NHSL2: variants seen among roughly 807,000 people sequenced by gnomAD.
The protein encoded by NHSL2 is NHS-like protein 2.
In NHSL2, 27 loss-of-function variants were observed where a neutral mutation model predicts 53.4. The observed-to-expected ratio is 0.51, with a 90% CI of 0.37 to 0.70. The LOEUF (loss-of-function observed/expected upper bound fraction) is 0.70, where lower values mean the gene tolerates loss of function less well. Ranked by LOEUF, NHSL2 falls within the 30% of genes least tolerant of loss-of-function variation. NHSL2 has a pLI of 0.00. For missense variants in NHSL2, 892 were observed against 980.1 expected (o/e 0.91, Z 1.20); for synonymous variants, 408 against 404.1 (o/e 1.01, Z -0.12).
intron 1 of NHSL2, among the ~76,000 whole-genome samples, chrX:71,963,971 A>ATG (rs1172224968): frequency 0.072 from 453 of 6,276 alleles, 11 homozygotes; most frequent in South Asian, 0.37. Flanking sequence ...ACATATATAT[A>ATG]TACATATATA....
At chrX:71,976,151 G>A (rs1025658413) in intron 1 of NHSL2, among the ~76,000 whole-genome samples, 19 of 111,008 alleles carry the variant, frequency 1.7e-4, no homozygotes, top group Non-Finnish European at 3.0e-4. Flanking sequence ...GCCCCTCCCC[G>A]CCCAGTCTAC....
chrX:72,015,271 G>A (rs1200108751), intron 1 of NHSL2, among the ~76,000 whole-genome samples: 2 of 111,313 alleles, frequency 1.8e-5, no homozygotes, highest in African/African-American at 3.3e-5. Context: ...GTTTTTTGTT[G>A]TGCTTTAGAG....
intron 1 of NHSL2, among the ~76,000 whole-genome samples, chrX:71,994,256 G>A (rs1487564399): frequency 9.2e-6 from 1 of 108,262 alleles, no homozygotes; most frequent in African/African-American, 3.4e-5. Context: ...GAGGAAAGAT[G>A]GGAGGGCAGA....
In NHSL2 at chrX:72,130,438, G is replaced by A. The variant is rs1305331475; in HGVS notation, c.281-1641G>A. 6 of 1,201,824 alleles carry A rather than the reference G, an allele frequency of 5.0e-6. No individual in the cohort carries two copies. In the African/African-American group the frequency reaches 7.2e-5, roughly 14 times the overall value. On this transcript the variant is annotated intron_variant, in intron 1 of 7. Coordinates refer to ENST00000633930, the MANE Select transcript of NHSL2 (RefSeq NM_001013627.3). Reference sequence around the variant, plus strand: ...CTTCTCCTTCATCTCTTGCTGAAAAGCCCTCATGCGCTTCCTCTGGTCCTT... The same window carrying A: ...CTTCTCCTTCATCTCTTGCTGAAAAACCCTCATGCGCTTCCTCTGGTCCTT...
intron 1 of NHSL2, among the ~76,000 whole-genome samples, chrX:72,031,300 G>C (rs1717105552): frequency 9.0e-6 from 1 of 111,306 alleles, no homozygotes; most frequent in Admixed American, 9.5e-5. Flanking sequence ...ACCTGTTTTG[G>C]ATCCTGGTTC....
intron 1 of NHSL2, among the ~76,000 whole-genome samples, chrX:71,965,497 G>C (rs2041897011): frequency 8.9e-6 from 1 of 112,368 alleles, no homozygotes; most frequent in Non-Finnish European, 1.9e-5. Flanking sequence ...ATAACACACT[G>C]TTTTGATTCC....
At chrX:72,076,894 G>A (rs1400447332) in intron 1 of NHSL2, among the ~76,000 whole-genome samples, 2 of 111,621 alleles carry the variant, frequency 1.8e-5, no homozygotes, top group African/African-American at 6.5e-5. Flanking sequence ...AGAGGGGTGT[G>A]GGGGTCCCAG....
intron 1 of NHSL2, among the ~76,000 whole-genome samples, chrX:72,115,435 G>GGGGGGGGGGGGGGGGGGGGGGAGGGA (rs2042129583): frequency 1.1e-5 from 1 of 89,856 alleles, no homozygotes; most frequent in African/African-American, 4.0e-5. Context: ...TGGGGGCGGG[G>GGGGGGGGGGGGGGGGGGGGGGAGGGA]GGGGGGTGCG....
At chrX:71,992,568 A>C (rs1003050659) in intron 1 of NHSL2, among the ~76,000 whole-genome samples, 3 of 112,751 alleles carry the variant, frequency 2.7e-5, no homozygotes, top group Non-Finnish European at 5.6e-5. Context: ...AAAGTCAAAT[A>C]GAATGGATAA....
At chrX:71,997,117 G>A (rs1212299258) in intron 1 of NHSL2, among the ~76,000 whole-genome samples, 1 of 112,449 alleles carries the variant, frequency 8.9e-6, no homozygotes, top group Admixed American at 9.4e-5. Flanking sequence ...GACAGTCAAA[G>A]TTTCCTTTGT....
chrX:72,127,425 A>G (rs993360891), intron 1 of NHSL2: 3 of 111,268 alleles, frequency 2.7e-5, no homozygotes, highest in African/African-American at 9.8e-5. Context: ...CCTGCCCCAG[A>G]GGGTGGAAAC....
intron 1 of NHSL2, among the ~76,000 whole-genome samples, chrX:72,053,305 T>G (rs913849121): frequency 3.6e-5 from 4 of 111,071 alleles, no homozygotes; most frequent in African/African-American, 1.3e-4. Flanking sequence ...CCTGACCAGT[T>G]TGCCTGTCTC....
rs1602328025 is a variant in NHSL2, at chrX:72,044,533, C to G, written c.281-87546C>G. The G allele has an allele frequency of 4.7e-6, 3 of 640,988 alleles. No homozygotes were observed. In the Admixed American group the frequency reaches 7.2e-5, roughly 15 times the overall value. The allele number at this position is 640,988 out of a possible 1,213,427, so 52.8% of individuals were successfully genotyped here. A position where few individuals can be genotyped will look rare whatever the true frequency, so the allele number is the denominator to read the frequency against. ...GAAGAGTGGCCCGCTCTCTCCGGTCCATGCCTCCAAGATGACAAAGAAAAG... is the reference window on the plus strand; with the variant it reads ...GAAGAGTGGCCCGCTCTCTCCGGTCGATGCCTCCAAGATGACAAAGAAAAG... On this transcript the variant is annotated intron_variant, in intron 1 of 7. Transcript: ENST00000633930.
At chrX:71,918,684 G>A (rs754672270) in intron 1 of NHSL2, among the ~76,000 whole-genome samples, 12 of 111,934 alleles carry the variant, frequency 1.1e-4, no homozygotes, top group Admixed American at 9.5e-5. Context: ...TACACTGAGT[G>A]TCTCCTTTGA....
chrX:71,983,697 G>A (rs1389178738), intron 1 of NHSL2, among the ~76,000 whole-genome samples: 2 of 111,763 alleles, frequency 1.8e-5, no homozygotes, highest in African/African-American at 6.5e-5. Flanking sequence ...AAAAAGTTAT[G>A]GTTATTTCTT....
intron 1 of NHSL2, among the ~76,000 whole-genome samples, chrX:72,088,074 T>C (rs1235209253): frequency 1.9e-5 from 2 of 105,956 alleles, no homozygotes; most frequent in African/African-American, 3.5e-5. Context: ...CTACTAAAAA[T>C]ACAAAAATTA....
At chrX:72,029,405 T>C (rs1305524168) in intron 1 of NHSL2, among the ~76,000 whole-genome samples, 13 of 112,439 alleles carry the variant, frequency 1.2e-4, no homozygotes, top group African/African-American at 4.2e-4. Context: ...CAGCTACCAC[T>C]GCACTGGGTG....
intron 1 of NHSL2, among the ~76,000 whole-genome samples, chrX:72,030,334 C>T (rs2042207950): frequency 8.9e-6 from 1 of 112,534 alleles, no homozygotes; most frequent in African/African-American, 3.2e-5. Flanking sequence ...CACTGGGGTT[C>T]ATCTGTGCAT....
intron 1 of NHSL2, among the ~76,000 whole-genome samples, chrX:72,038,528 ACTGT>A (rs1279988482): frequency 8.9e-6 from 1 of 112,182 alleles, no homozygotes; most frequent in Non-Finnish European, 1.9e-5. Flanking sequence ...AGTGTCCCAA[ACTGT>A]CTGTTTCCAA....
Sources: allele counts gnomAD v4.1 joint callset (sites outside exome capture counted in the v4.1 genomes callset), GRCh38; gene constraint gnomAD v4.1.1; transcripts MANE v1.5; gene names NCBI Gene and HGNC (gene_info 2026-07-23, HGNC 2026-07-21).